Variants in SPOCK1 observed in about 807,000 individuals in gnomAD.
SPOCK1 encodes testican-1.
SPOCK1 carries 23 observed loss-of-function variants against 55.3 expected under a neutral mutation model. That is an observed-to-expected ratio of 0.42 (90% CI 0.30 to 0.59). The LOEUF is 0.59. Among genes scored for constraint, SPOCK1 ranks in the 20% least tolerant of loss-of-function variants. The pLI is 0.22. For missense variants in SPOCK1, 499 were observed against 552.5 expected (o/e 0.90, Z 0.97); for synonymous variants, 226 against 221.0 (o/e 1.02, Z -0.20).
intron 2 of SPOCK1, among the ~76,000 whole-genome samples, chr5:137,469,678 T>C (rs1377635775): frequency 6.6e-6 from 1 of 152,238 alleles, no homozygotes. Context: ...TAAAGTTCAG[T>C]GCAACGTACT....
intron 2 of SPOCK1, among the ~76,000 whole-genome samples, chr5:137,472,385 A>G (rs1424581977): frequency 6.6e-6 from 1 of 152,206 alleles, no homozygotes; most frequent in Non-Finnish European, 1.5e-5. Context: ...TACAAAAAAA[A>G]AAAAGCTCAG....
intron 2 of SPOCK1, among the ~76,000 whole-genome samples, chr5:137,308,674 C>T (rs1458406198): frequency 6.6e-6 from 1 of 152,176 alleles, no homozygotes; most frequent in Admixed American, 6.5e-5. Context: ...TCTTTCATCT[C>T]CTGTGTAACC....
chr5:137,278,647 C>A (rs2127123775), intron 2 of SPOCK1, among the ~76,000 whole-genome samples: 2 of 152,292 alleles, frequency 1.3e-5, no homozygotes, highest in Admixed American at 1.3e-4. Flanking sequence ...ACCCAACAGG[C>A]ACTGACGCAA....
intron 2 of SPOCK1, among the ~76,000 whole-genome samples, chr5:137,271,185 A>C (rs910286804): frequency 6.6e-6 from 1 of 151,920 alleles, no homozygotes; most frequent in African/African-American, 2.4e-5. Context: ...ACAGCTGATC[A>C]ACAAAGATAA....
At chr5:136,994,709 T>C (rs1486641981) in intron 6 of SPOCK1, among the ~76,000 whole-genome samples, 1 of 151,476 alleles carries the variant, frequency 6.6e-6, no homozygotes, top group Non-Finnish European at 1.5e-5. Context: ...CATATATGGC[T>C]ATTTACATTA....
chr5:137,101,217 T>G (rs1330565279), intron 5 of SPOCK1, among the ~76,000 whole-genome samples: 1 of 152,240 alleles, frequency 6.6e-6, no homozygotes, highest in Non-Finnish European at 1.5e-5. Context: ...TTGTTTGCAG[T>G]GATTTAATTA....
intron 2 of SPOCK1, among the ~76,000 whole-genome samples, chr5:137,403,822 T>C (rs1752036893): frequency 6.6e-6 from 1 of 152,026 alleles, no homozygotes; most frequent in Non-Finnish European, 1.5e-5. Flanking sequence ...AGGAGGCCTG[T>C]CATGACAGCC....
chr5:137,369,029 G>A (rs976772327), intron 2 of SPOCK1, among the ~76,000 whole-genome samples: 6 of 152,140 alleles, frequency 3.9e-5, no homozygotes, highest in East Asian at 1.9e-4. Flanking sequence ...TTTCCCATCC[G>A]GCCTGGTGCT....
chr5:137,444,801 T>A (rs10434788), intron 2 of SPOCK1, among the ~76,000 whole-genome samples: 6 of 152,016 alleles, frequency 3.9e-5, no homozygotes, highest in Non-Finnish European at 7.4e-5. Context: ...CCCTAAGGAC[T>A]GGAAAATCAC....
At chr5:137,037,987 GAAC>G (rs1751916814) in intron 6 of SPOCK1, among the ~76,000 whole-genome samples, 2 of 152,304 alleles carry the variant, frequency 1.3e-5, no homozygotes, top group African/African-American at 4.8e-5. Flanking sequence ...AGGTATTAGG[GAAC>G]AACAACAGAC....
chr5:137,324,046 T>C (rs1758029671), intron 2 of SPOCK1, among the ~76,000 whole-genome samples: 1 of 152,210 alleles, frequency 6.6e-6, no homozygotes, highest in Admixed American at 6.5e-5. Context: ...CAGCATGATC[T>C]ATAAAAGCCA....
intron 9 of SPOCK1, among the ~76,000 whole-genome samples, chr5:136,981,607 A>G (rs149411844): frequency 3.3e-5 from 5 of 152,326 alleles, no homozygotes; most frequent in Admixed American, 2.0e-4. Flanking sequence ...ATGGGGGTTT[A>G]GTAATCTCAT....
At chr5:137,313,562 C>T (rs1182476605) in intron 2 of SPOCK1, 2 of 869,544 alleles carry the variant, frequency 2.3e-6, no homozygotes, top group African/African-American at 1.8e-5. Context: ...CCTCCTACCT[C>T]CTCTTAAAAT....
At chr5:137,408,725 G>A (rs1164308269) in intron 2 of SPOCK1, among the ~76,000 whole-genome samples, 1 of 152,084 alleles carries the variant, frequency 6.6e-6, no homozygotes, top group African/African-American at 2.4e-5. Flanking sequence ...TTATGTCATG[G>A]TAAAGGACAC....
chr5:137,419,172 G>A (rs971400831), intron 2 of SPOCK1, among the ~76,000 whole-genome samples: 2 of 152,074 alleles, frequency 1.3e-5, no homozygotes, highest in Non-Finnish European at 2.9e-5. Flanking sequence ...CTCTGTTTTG[G>A]TACTAGTACC....
intron 2 of SPOCK1, among the ~76,000 whole-genome samples, chr5:137,484,441 G>A (rs1020047437): frequency 3.3e-5 from 5 of 152,122 alleles, no homozygotes; most frequent in African/African-American, 4.8e-5. Context: ...CCTCCCAATC[G>A]GGACTCTGAT....
intron 2 of SPOCK1, among the ~76,000 whole-genome samples, chr5:137,280,218 A>AT (rs1321259221): frequency 1.3e-5 from 2 of 150,164 alleles, no homozygotes; most frequent in East Asian, 2.0e-4. Context: ...CATTTATATG[A>AT]TAAAAAAAAT....
intron 3 of SPOCK1, among the ~76,000 whole-genome samples, chr5:137,265,344 T>G (rs1756828334): frequency 6.6e-6 from 1 of 152,214 alleles, no homozygotes; most frequent in African/African-American, 2.4e-5. Context: ...CAACATTTGA[T>G]CCTTATAGCA....
chr5:137,021,048 G>A (rs1407807579), intron 6 of SPOCK1, among the ~76,000 whole-genome samples: 1 of 152,026 alleles, frequency 6.6e-6, no homozygotes, highest in Non-Finnish European at 1.5e-5. Context: ...TCATTCCTAG[G>A]TATATGCCCT....
Sources: gnomAD v4.1 joint callset for allele counts (sites outside exome capture counted in the v4.1 genomes callset) on GRCh38, gnomAD v4.1.1 for gene constraint, MANE v1.5 for transcripts, NCBI Gene and HGNC (gene_info 2026-07-23, HGNC 2026-07-21) for gene names.